Variants in CADM2 observed in about 807,000 individuals in gnomAD.
The protein encoded by CADM2 is cell adhesion molecule 2.
CADM2 carries 12 observed loss-of-function variants against 49.8 expected under a neutral mutation model. That is an observed-to-expected ratio of 0.24 (90% CI 0.15 to 0.39). CADM2 has a LOEUF of 0.39. CADM2 is among the 10% of genes least tolerant of loss of function. The pLI is 1.00. For synonymous variants in CADM2, 214 were observed against 175.4 expected (o/e 1.22, Z -1.74); for missense variants, 378 against 492.3 (o/e 0.77, Z 2.20).
At position 85,447,713 on chromosome 3, in the gene CADM2, A is replaced by G. The variant is rs1003389181; in HGVS notation, c.62-278809A>G. The stretch of plus-strand genomic sequence containing the variant: ...AAATGACATTCAGCCATACATCACA[A>G]ACTGTTATACTGAATCAGAAACATT... On this transcript the variant is annotated intron_variant, in intron 1 of 9. Coordinates refer to ENST00000383699, the MANE Select transcript of CADM2 (RefSeq NM_001167675.2). Among the ~76,000 whole-genome samples, 3 of 152,174 alleles carry G rather than the reference A, an allele frequency of 2.0e-5. No homozygotes were observed. In the East Asian group the frequency reaches 5.8e-4, roughly 29 times the overall value.
At position 85,631,216 on chromosome 3, in the gene CADM2, A is replaced by G. The variant is rs573751572; in HGVS notation, c.62-95306A>G. 4.6e-5 allele frequency among the ~76,000 whole-genome samples: 7 copies of G among 152,066 alleles called. No individual in the cohort carries two copies. In the East Asian group the frequency reaches 1.2e-3, roughly 25 times the overall value. The stretch of plus-strand genomic sequence containing the variant: ...TCAGAGAAGCATTTCTGAAAACTCT[A>G]CCTGAACTATCTCCCACTCTCTCCA... On this transcript the variant is annotated intron_variant, in intron 1 of 9. Coordinates refer to ENST00000383699, the MANE Select transcript of CADM2 (RefSeq NM_001167675.2).
chr3:85,512,382 G>A (rs1398237794), intron 1 of CADM2, among the ~76,000 whole-genome samples: 1 of 152,068 alleles, frequency 6.6e-6, no homozygotes, highest in African/African-American at 2.4e-5. Context: ...ATTCCGTGGT[G>A]TATGTGCACC....
chr3:85,483,891 T>C (rs1443051411), intron 1 of CADM2, among the ~76,000 whole-genome samples: 3 of 151,812 alleles, frequency 2.0e-5, no homozygotes, highest in East Asian at 3.9e-4. Flanking sequence ...GCAATTTTTG[T>C]CTCAAAAAAC....
At chr3:85,510,318 T>G (rs1037052798) in intron 1 of CADM2, among the ~76,000 whole-genome samples, 1 of 152,008 alleles carries the variant, frequency 6.6e-6, no homozygotes, top group African/African-American at 2.4e-5. Flanking sequence ...ACAAGAAAAC[T>G]GCAACTGACG....
chr3:86,043,694 G>T (rs935808214), intron 8 of CADM2, among the ~76,000 whole-genome samples: 1 of 152,162 alleles, frequency 6.6e-6, no homozygotes, highest in African/African-American at 2.4e-5. Flanking sequence ...TTTCTTCACA[G>T]AATTGGAAAA....
intron 8 of CADM2, among the ~76,000 whole-genome samples, chr3:85,963,466 TG>T (rs1185342953): frequency 6.6e-6 from 1 of 151,870 alleles, no homozygotes. Flanking sequence ...TGATGCTCCC[TG>T]GATGTTTAGA....
At chr3:85,378,828 A>T (rs529440410) in intron 1 of CADM2, among the ~76,000 whole-genome samples, 125 of 152,078 alleles carry the variant, frequency 8.2e-4, no homozygotes, top group Non-Finnish European at 1.4e-3. Flanking sequence ...CCATTAAAAA[A>T]CTTATCTATG....
At chr3:85,567,958 GCTCTCCCCCTTT>G (rs961550319) in intron 1 of CADM2, among the ~76,000 whole-genome samples, 1 of 152,186 alleles carries the variant, frequency 6.6e-6, no homozygotes, top group African/African-American at 2.4e-5. Context: ...GCTCTAGGGA[GCTCTCCCCCTTT>G]TTGTTCTCTC....
intron 8 of CADM2, among the ~76,000 whole-genome samples, chr3:86,050,785 AAGG>A (rs1394174953): frequency 1.1e-4 from 16 of 152,130 alleles, no homozygotes; most frequent in Admixed American, 9.2e-4. Flanking sequence ...GCTGAGATGC[AAGG>A]AGAAGTGTCC....
intron 3 of CADM2, among the ~76,000 whole-genome samples, chr3:85,812,035 C>T (rs2072915227): frequency 6.6e-6 from 1 of 152,042 alleles, no homozygotes; most frequent in South Asian, 2.1e-4. Context: ...TAAAATATTG[C>T]TATGCCCTGG....
rs1417067662 is a variant in CADM2, at chr3:85,144,808, A to G, written c.61+185140A>G. 2.6e-5 allele frequency among the ~76,000 whole-genome samples: 4 copies of G among 152,314 alleles called. No homozygotes were observed. The East Asian group carries it at 7.7e-4, about 29-fold the overall frequency. ...TGAAAGATCAATTTCAGACATCATA[A>G]TTACTGGTAAAAATTACAAGATAGA... is the stretch of plus-strand genomic sequence containing the variant. On this transcript the variant is annotated intron_variant, in intron 1 of 9. Transcript: ENST00000383699.
chr3:85,259,052 T>G (rs1384755333), intron 1 of CADM2, among the ~76,000 whole-genome samples: 1 of 152,158 alleles, frequency 6.6e-6, no homozygotes, highest in African/African-American at 2.4e-5. Flanking sequence ...TTCATCAGCA[T>G]TGATTGCCTT....
intron 1 of CADM2, among the ~76,000 whole-genome samples, chr3:85,540,273 A>G (rs1002313444): frequency 6.6e-6 from 1 of 152,136 alleles, no homozygotes; most frequent in South Asian, 2.1e-4. Flanking sequence ...ATTACCAAGG[A>G]CAAACACACC....
chr3:85,397,967 G>T (rs2034878544), intron 1 of CADM2, among the ~76,000 whole-genome samples: 1 of 151,968 alleles, frequency 6.6e-6, no homozygotes, highest in Non-Finnish European at 1.5e-5. Context: ...ATTCCTGCCA[G>T]AGGAGAAATA....
intron 1 of CADM2, among the ~76,000 whole-genome samples, chr3:85,498,571 G>A (rs73126376): frequency 0.098 from 14,870 of 152,148 alleles, 942 homozygotes; most frequent in East Asian, 0.19. Context: ...GTTGAAAACC[G>A]ATGTCTGATC....
intron 8 of CADM2, among the ~76,000 whole-genome samples, chr3:86,002,262 G>A (rs1355031995): frequency 6.6e-6 from 1 of 152,138 alleles, no homozygotes; most frequent in Non-Finnish European, 1.5e-5. Context: ...GTGCAAATGA[G>A]GAATCCTTTG....
intron 1 of CADM2, among the ~76,000 whole-genome samples, chr3:85,701,971 C>CATAAATAG (rs1276552743): frequency 0.026 from 3,557 of 134,292 alleles, 58 homozygotes; most frequent in East Asian, 0.043. Context: ...GATAGATAGA[C>CATAAATAG]ATAGATAGAT....
intron 1 of CADM2, among the ~76,000 whole-genome samples, chr3:85,164,447 A>G (rs1056036555): frequency 6.6e-6 from 1 of 152,084 alleles, no homozygotes; most frequent in Admixed American, 6.6e-5. Context: ...TTTTAACCCT[A>G]TCCCTTGCCC....
intron 1 of CADM2, among the ~76,000 whole-genome samples, chr3:85,421,765 T>A (rs1228648360): frequency 1.3e-5 from 2 of 152,218 alleles, no homozygotes; most frequent in African/African-American, 4.8e-5. Flanking sequence ...TTTGTATAGG[T>A]TAATTTGAAT....
Sources: allele counts gnomAD v4.1 joint callset (sites outside exome capture counted in the v4.1 genomes callset), GRCh38; gene constraint gnomAD v4.1.1; transcripts MANE v1.5; gene names NCBI Gene and HGNC (gene_info 2026-07-23, HGNC 2026-07-21).